The following CD109 variants were observed in gnomAD, a reference collection of about 807,000 sequenced individuals.
The protein encoded by CD109 is CD109 molecule, also known as CD109 antigen.
In CD109, 149 loss-of-function variants were observed where a neutral mutation model predicts 165.8. The observed-to-expected ratio is 0.90, with a 90% confidence interval of 0.79 to 1.03. CD109 has a LOEUF of 1.03. CD109 is among the 50% of genes least tolerant of loss of function. CD109 has a pLI of 0.00. For missense variants in CD109, 1,712 were observed against 1,677.8 expected (o/e 1.02, Z -0.36); for synonymous variants, 585 against 592.1 (o/e 0.99, Z 0.18).
chr6:73,696,247 A>G lies in CD109; in HGVS notation c.32A>G (p.His11Arg), dbSNP rs1305475621. The change falls in exon 1 of 33, where the codon CAC (histidine) becomes CGC (arginine). Residue 11 changes from histidine (H) to arginine (R), a missense_variant. His to Arg is a conservative substitution (Grantham distance 29). Transcript: ENST00000287097. The stretch of plus-strand genomic sequence containing the variant: ...GGCCCACCGCTCCTGACCGCCGCCC[A>G]CCTCCTCTGCGTGTGCACCGCCGCG... MQGPPLLTAA[H>R]LLCVCTAALA... The G allele has an allele frequency of 6.5e-7, 1 of 1,541,356 alleles. No homozygotes were observed. The highest frequency in any genetic ancestry group is 8.7e-7 in the Non-Finnish European group (1 of 1,148,504).
chr6:73,686,358 TGATA>T, the CD109 span, among the ~76,000 whole-genome samples: 3 of 152,228 alleles, frequency 2.0e-5, no homozygotes, highest in African/African-American at 7.2e-5. Flanking sequence ...ATTATTTGTT[TGATA>T]GTGTTTTGCA....
the CD109 span, among the ~76,000 whole-genome samples, chr6:73,687,782 G>A: frequency 2.0e-5 from 3 of 152,146 alleles, no homozygotes; most frequent in Admixed American, 2.0e-4. Context: ...ATGTGCTTGA[G>A]CAGTGGGGCT....
chr6:73,778,326 A>T (rs1359547301), intron 15 of CD109, among the ~76,000 whole-genome samples: 1 of 152,210 alleles, frequency 6.6e-6, no homozygotes, highest in Non-Finnish European at 1.5e-5. Context: ...ATATAGGATT[A>T]TGTCATCTGC....
At chr6:73,805,913 G>A (rs1309595069) in intron 24 of CD109, among the ~76,000 whole-genome samples, 1 of 152,130 alleles carries the variant, frequency 6.6e-6, no homozygotes, top group African/African-American at 2.4e-5. Context: ...TCTTAGTACA[G>A]AACAAAATGG....
At position 73,728,308 on chromosome 6, in the gene CD109, TCAAAACAAAACAAAA is replaced by T. The variant is rs573815888; in HGVS notation, c.277-2023_277-2009del. 2.0e-5 allele frequency among the ~76,000 whole-genome samples: 3 copies of T among 152,166 alleles called. No homozygotes were observed. The East Asian group carries it at 5.8e-4, about 29-fold the overall frequency. ...CTGGGCAACAGAGCAAGAGTTCGTCTCAAAACAAAACAAAACAAAACAAAACACTTCTTTATTGAA... is the reference window on the plus strand; with the variant it reads ...CTGGGCAACAGAGCAAGAGTTCGTCTCAAAACAAAACACTTCTTTATTGAA... On this transcript the variant is annotated intron_variant, in intron 3 of 32. Coordinates refer to ENST00000287097, the MANE Select transcript of CD109 (RefSeq NM_133493.5).
At chr6:73,760,300 G>A (rs1399215091) in intron 7 of CD109, among the ~76,000 whole-genome samples, 1 of 151,128 alleles carries the variant, frequency 6.6e-6, no homozygotes, top group Non-Finnish European at 1.5e-5. Flanking sequence ...CCAGCTACTC[G>A]GGAGGCTGAG....
At chr6:73,820,622 A>T in intron 32 of CD109, 59 bp downstream of exon 32, 1 of 1,028,584 alleles carries the variant, frequency 9.7e-7, no homozygotes, top group Non-Finnish European at 1.5e-6. Flanking sequence ...TCATTCATTT[A>T]TTGGAAGTGA....
At position 73,806,872 on chromosome 6, in the gene CD109, C is replaced by T. The variant is rs1775584307; in HGVS notation, c.2989C>T (p.Leu997Phe). The change falls in exon 25 of 33, where the codon CTT becomes TTT. Residue 997 changes from leucine (L) to phenylalanine (F), a missense_variant. Transcript: ENST00000287097. ...GTCAGCTTTTGTTTTAAGATGTTTC[C>T]TTGAAGCCGATCCTTACATAGATAT... is the stretch of plus-strand genomic sequence containing the variant. ...WLSAFVLRCFLEADPYIDIDQ... is the reference protein window; with the variant it reads ...WLSAFVLRCFFEADPYIDIDQ... 2 of 1,612,790 alleles carry T rather than the reference C, an allele frequency of 1.2e-6. No individual in the cohort carries two copies. The highest frequency in any genetic ancestry group is 2.7e-5 in the African/African-American group (2 of 74,926).
chr6:73,679,528 A>G, the CD109 span, among the ~76,000 whole-genome samples: 13 of 151,958 alleles, frequency 8.6e-5, no homozygotes, highest in Non-Finnish European at 1.8e-4. Context: ...GAAAGGCAGC[A>G]TTTTATATTT....
chr6:73,784,587 T>A (rs147232010), intron 19 of CD109, among the ~76,000 whole-genome samples: 1 of 152,170 alleles, frequency 6.6e-6, no homozygotes, highest in Non-Finnish European at 1.5e-5. Context: ...CTAAGACACC[T>A]TCACAAATGT....
At chr6:73,808,421 A>G (rs770983162) in intron 26 of CD109, among the ~76,000 whole-genome samples, 173 bp downstream of exon 26, 5 of 152,164 alleles carry the variant, frequency 3.3e-5, no homozygotes, top group Non-Finnish European at 5.9e-5. Flanking sequence ...TGGTCTCCCC[A>G]GGGTTTTTTT....
Position 73,763,574 on chromosome 6 carries a change from AG to A in CD109, c.998del. 1 of 1,519,132 alleles carries A rather than the reference AG, an allele frequency of 6.6e-7. No homozygotes were observed. The highest frequency in any genetic ancestry group is 9.0e-7 in the Non-Finnish European group (1 of 1,114,200). The allele number at this position is 1,519,132 out of a possible 1,614,324, so 94.1% of individuals were successfully genotyped here. On this transcript the variant is annotated splice_acceptor_variant, in intron 9 of 32. Coordinates refer to ENST00000287097, the MANE Select transcript of CD109 (RefSeq NM_133493.5). LOFTEE classifies it high-confidence loss of function. ...TTCTAAATTGTGCAATTTCCAAAAA[AG>A]GTATTTCAAGAAATGTAAGCACTAA...
At chr6:73,691,563 G>C (rs1770693571), upstream of CD109, among the ~76,000 whole-genome samples, 2 of 152,188 alleles carry the variant, frequency 1.3e-5, no homozygotes, top group African/African-American at 4.8e-5. Context: ...AAGGACACCA[G>C]CTTCTCCTGC....
At position 73,730,363 on chromosome 6, in the gene CD109, A is replaced by T. The variant is rs755160049; in HGVS notation, c.296A>T (p.Asp99Val). Reference protein sequence around the residue: ...TLPSLPLNSADEIYELRVTGR... With the variant: ...TLPSLPLNSAVEIYELRVTGR... The stretch of plus-strand genomic sequence containing the variant: ...CCCCAGCTACCTCTGAACAGTGCAG[A>T]TGAGATTTATGAGCTACGTGTAACC... The change falls in exon 4 of 33, where the codon GAT becomes GTT. Residue 99 changes from aspartate (D) to valine (V), a missense_variant. Asp to Val is a radical substitution (Grantham distance 152). Coordinates refer to ENST00000287097, the MANE Select transcript of CD109 (RefSeq NM_133493.5). 6.2e-7 allele frequency: 1 copy of T among 1,612,494 alleles called. No homozygotes were observed. The highest frequency in any genetic ancestry group is 1.3e-5 in the African/African-American group (1 of 74,872).
intron 3 of CD109, among the ~76,000 whole-genome samples, chr6:73,727,068 AAGAT>A (rs1025578826): frequency 2.9e-4 from 44 of 152,310 alleles, no homozygotes; most frequent in African/African-American, 1.0e-3. Flanking sequence ...TTTACCAGTA[AAGAT>A]GCAGGAGCTT....
chr6:73,763,666 C>G lies in CD109; in HGVS notation c.1088C>G (p.Ser363Cys). Residue 363 changes from serine (S) to cysteine (C), a missense_variant, in exon 10 of 33, where the codon TCT (serine) becomes TGT (cysteine). Ser to Cys is a moderately radical substitution (Grantham distance 112). Transcript: ENST00000287097. The part of the protein sequence containing the change: ...FFDYTTVLKP[S>C]LNFTATVKVT... ...GATTATACTACTGTCTTGAAGCCAT[C>G]TCTCAACTTCACAGCCACTGTAAGT... 6.3e-7 allele frequency: 1 copy of G among 1,576,768 alleles called. No homozygotes were observed. The highest frequency in any genetic ancestry group is 1.2e-5 in the South Asian group (1 of 84,438).
intron 5 of CD109, among the ~76,000 whole-genome samples, chr6:73,741,766 G>A (rs1474556485): frequency 6.6e-6 from 1 of 152,134 alleles, no homozygotes; most frequent in East Asian, 1.9e-4. Context: ...CACCTCCCAG[G>A]TTGAAGTGAT....
intron 2 of CD109, among the ~76,000 whole-genome samples, chr6:73,722,935 C>T (rs927786135): frequency 3.3e-5 from 5 of 152,094 alleles, no homozygotes; most frequent in Admixed American, 6.6e-5. Flanking sequence ...CCCGCAAGCA[C>T]GTATAACCTT....
chr6:73,785,473 C>T lies in CD109; in HGVS notation c.2333C>T (p.Thr778Ile). The T allele has an allele frequency of 6.6e-7, 1 of 1,515,290 alleles. No homozygotes were observed. Among genetic ancestry groups the T allele is most frequent in the Non-Finnish European group, 9.1e-7 (1 of 1,095,550 alleles). The allele number at this position is 1,515,290 out of a possible 1,614,324, so 93.9% of individuals were successfully genotyped here. Residue 778 changes from threonine (T) to isoleucine (I), a missense_variant, in exon 20 of 33, where the codon ACT (threonine) becomes ATT (isoleucine). Physicochemically the swap from Thr to Ile is moderately conservative, Grantham distance 89. Transcript: ENST00000287097. ...ITIFNYLKDA[T>I]EVKVIIEKSD... Reference sequence around the variant, plus strand: ...ATATTCAATTATTTGAAAGATGCCACTGAGGTAATGTATTCAAGCTTTTGT... The same window carrying T: ...ATATTCAATTATTTGAAAGATGCCATTGAGGTAATGTATTCAAGCTTTTGT...
Sources: gnomAD v4.1 joint callset for allele counts (sites outside exome capture counted in the v4.1 genomes callset) on GRCh38, gnomAD v4.1.1 for gene constraint, MANE v1.5 for transcripts, NCBI Gene and HGNC (gene_info 2026-07-23, HGNC 2026-07-21) for gene names.